The following ELAPOR2 variants were observed in gnomAD, a reference collection of about 807,000 sequenced individuals.
The protein encoded by ELAPOR2 is endosome/lysosome-associated apoptosis and autophagy regulator family member 2.
In ELAPOR2, 89 loss-of-function variants were observed where a neutral mutation model predicts 120.7. The observed-to-expected ratio is 0.74, with a 90% CI of 0.62 to 0.88. The LOEUF (loss-of-function observed/expected upper bound fraction) is 0.88, where lower values mean the gene tolerates loss of function less well. Ranked by LOEUF, ELAPOR2 falls within the 40% of genes least tolerant of loss-of-function variation. The probability of loss-of-function intolerance (pLI) is 0.00; values close to 1 mark genes in which losing one functional copy is unlikely to be tolerated. For synonymous variants in ELAPOR2, 444 were observed against 444.9 expected (o/e 1.00, Z 0.03); for missense variants, 1,134 against 1,251.6 (o/e 0.91, Z 1.42).
intron 3 of ELAPOR2, among the ~76,000 whole-genome samples, chr7:86,946,159 T>TCA (rs3223108): frequency 0.13 from 18,842 of 146,278 alleles, 1,185 homozygotes; most frequent in Middle Eastern, 0.16. Flanking sequence ...ATACCATTTC[T>TCA]CACACACACA....
At chr7:87,049,651 G>A (rs4728669) in intron 1 of ELAPOR2, among the ~76,000 whole-genome samples, 85,542 of 151,968 alleles carry the variant, frequency 0.56, 24,809 homozygotes, top group East Asian at 0.76. Context: ...GTGCATGAGG[G>A]ACAAAGCCAA....
At chr7:87,056,520 T>C (rs1021300916) in intron 1 of ELAPOR2, among the ~76,000 whole-genome samples, 3 of 152,222 alleles carry the variant, frequency 2.0e-5, no homozygotes, top group Non-Finnish European at 4.4e-5. Flanking sequence ...TCCCAAATGA[T>C]CGCTTCCTGT....
At chr7:86,915,543 C>A (rs1375123914) in intron 12 of ELAPOR2, among the ~76,000 whole-genome samples, 2 of 151,814 alleles carry the variant, frequency 1.3e-5, no homozygotes, top group African/African-American at 4.8e-5. Context: ...GACTGGAAAG[C>A]AAATATTAAT....
chr7:86,936,770 T>A (rs757640874), intron 8 of ELAPOR2, among the ~76,000 whole-genome samples: 1 of 152,014 alleles, frequency 6.6e-6, no homozygotes, highest in Non-Finnish European at 1.5e-5. Flanking sequence ...TAGGCCCAGG[T>A]CAAACAGATT....
At chr7:86,966,558 A>G (rs1562947951) in intron 1 of ELAPOR2, among the ~76,000 whole-genome samples, 1 of 152,168 alleles carries the variant, frequency 6.6e-6, no homozygotes, top group Non-Finnish European at 1.5e-5. Context: ...GCCTCTGCCC[A>G]TTATCCAGTT....
chr7:86,904,370 C>G lies in ELAPOR2; in HGVS notation c.2558+3300G>C, dbSNP rs375022173. 7.2e-5 allele frequency among the ~76,000 whole-genome samples: 11 copies of G among 152,256 alleles called. No individual in the cohort carries two copies. The East Asian group carries it at 7.7e-4, about 11-fold the overall frequency. ...AGATAATGATTAGAGGTTTGGGAAGCCTTTTAGGCAAAGGCTAGAGGGCCA... is the reference window on the plus strand; with the variant it reads ...AGATAATGATTAGAGGTTTGGGAAGGCTTTTAGGCAAAGGCTAGAGGGCCA... On this transcript the variant is annotated intron_variant, in intron 18 of 21. Transcript: ENST00000450689.
intron 1 of ELAPOR2, among the ~76,000 whole-genome samples, chr7:87,032,904 G>A (rs888427948): frequency 2.0e-5 from 3 of 152,152 alleles, no homozygotes; most frequent in African/African-American, 7.2e-5. Context: ...CTTTCCTTGT[G>A]AAAATGTGGA....
intron 1 of ELAPOR2, among the ~76,000 whole-genome samples, chr7:86,969,357 A>G (rs1011428624): frequency 2.6e-5 from 4 of 152,190 alleles, no homozygotes; most frequent in African/African-American, 9.6e-5. Context: ...TATAGACTAG[A>G]TAATTTTTCA....
At chr7:87,021,988 T>A (rs1342086276) in intron 1 of ELAPOR2, among the ~76,000 whole-genome samples, 1 of 152,132 alleles carries the variant, frequency 6.6e-6, no homozygotes, top group Non-Finnish European at 1.5e-5. Flanking sequence ...AAAACATCCC[T>A]GTGGAATATG....
At chr7:86,924,374 T>TACACACACACACACACACACAC (rs3057442) in intron 10 of ELAPOR2, among the ~76,000 whole-genome samples, 5 of 145,326 alleles carry the variant, frequency 3.4e-5, no homozygotes, top group Admixed American at 1.4e-4. Flanking sequence ...AGTAAGTGAA[T>TACACACACACACACACACACAC]ACACACACAC....
chr7:86,965,036 CACAA>C lies in ELAPOR2; in HGVS notation c.190-16_190-13del, dbSNP rs1562947229. 3.2e-6 allele frequency: 5 copies of C among 1,551,398 alleles called. No homozygotes were observed. The highest frequency in any genetic ancestry group is 4.4e-6 in the Non-Finnish European group (5 of 1,146,730). On this transcript the variant is annotated splice_polypyrimidine_tract_variant and intron_variant, in intron 1 of 21. Transcript: ENST00000450689. ...AAGTGATAATCTTTCTGCAAACAATCACAAAAACAAGCCTTTGTTAGAGCCAGTT... is the reference window on the plus strand; with the variant it reads ...AAGTGATAATCTTTCTGCAAACAATCAAACAAGCCTTTGTTAGAGCCAGTT...
At chr7:87,033,194 C>A (rs1336722737) in intron 1 of ELAPOR2, among the ~76,000 whole-genome samples, 2 of 152,190 alleles carry the variant, frequency 1.3e-5, no homozygotes, top group African/African-American at 4.8e-5. Flanking sequence ...TTATGGCTCA[C>A]TAGCTTTGTC....
intron 10 of ELAPOR2, among the ~76,000 whole-genome samples, chr7:86,922,050 T>C (rs1426807210): frequency 6.6e-6 from 1 of 152,136 alleles, no homozygotes; most frequent in African/African-American, 2.4e-5. Flanking sequence ...ATTAAGATTT[T>C]TTTTTCCTAT....
chr7:87,021,428 A>G (rs1794037404), intron 1 of ELAPOR2, among the ~76,000 whole-genome samples: 1 of 152,158 alleles, frequency 6.6e-6, no homozygotes, highest in Non-Finnish European at 1.5e-5. Flanking sequence ...GTAAATAAAT[A>G]TACTGCCATA....
chr7:87,004,999 G>C (rs1351381800), intron 1 of ELAPOR2, among the ~76,000 whole-genome samples: 1 of 152,110 alleles, frequency 6.6e-6, no homozygotes, highest in Non-Finnish European at 1.5e-5. Flanking sequence ...TCCTTTCAAG[G>C]AGTAGGAGAA....
chr7:86,912,005 C>A, intron 15 of ELAPOR2, 67 bp downstream of exon 15: 1 of 1,469,202 alleles, frequency 6.8e-7, no homozygotes, highest in Non-Finnish European at 9.4e-7. Context: ...GGTCCATTAA[C>A]ACAGAAAATA....
At chr7:87,015,308 C>A (rs555221765) in intron 1 of ELAPOR2, among the ~76,000 whole-genome samples, 1 of 152,110 alleles carries the variant, frequency 6.6e-6, no homozygotes, top group East Asian at 1.9e-4. Context: ...GTCTAAAGGT[C>A]GTTTCTTATT....
Position 86,879,812 on chromosome 7 carries a change from G to A in ELAPOR2, c.*659C>T, listed in dbSNP as rs1331645467. On this transcript the variant is annotated 3_prime_UTR_variant, in exon 22 of 22. Transcript: ENST00000450689. ...TAGATTCCTTCAAACTTTCAGTCAAGCCCTTCTTACCAGCTCCAACGAGGA... is the reference window on the plus strand; with the variant it reads ...TAGATTCCTTCAAACTTTCAGTCAAACCCTTCTTACCAGCTCCAACGAGGA... 6.6e-6 allele frequency: 1 copy of A among 152,056 alleles called. No individual in the cohort carries two copies. Among genetic ancestry groups the A allele is most frequent in the African/African-American group, 2.4e-5 (1 of 41,396 alleles). The allele number at this position is 152,056 out of a possible 1,614,324, so 9.4% of individuals were successfully genotyped here.
chr7:87,001,806 A>C (rs1793328504), intron 1 of ELAPOR2, among the ~76,000 whole-genome samples: 1 of 152,152 alleles, frequency 6.6e-6, no homozygotes, highest in African/African-American at 2.4e-5. Flanking sequence ...ATAGCCAAGA[A>C]ACCTGAGTTA....
Sources: allele counts gnomAD v4.1 joint callset (sites outside exome capture counted in the v4.1 genomes callset), GRCh38; gene constraint gnomAD v4.1.1; transcripts MANE v1.5; gene names NCBI Gene and HGNC (gene_info 2026-07-23, HGNC 2026-07-21).